The following MCOLN2 variants were observed in gnomAD, a reference collection of about 807,000 sequenced individuals.
MCOLN2 encodes the protein mucolipin TRP cation channel 2.
A neutral mutation model predicts 67.5 loss-of-function variants in MCOLN2; 57 were observed. The ratio of observed to expected loss-of-function variants is 0.84; its 90% CI spans 0.68 to 1.05. The LOEUF is 1.05. MCOLN2 is among the 50% of genes least tolerant of loss of function. The pLI, the probability that MCOLN2 is intolerant of heterozygous loss-of-function variation, is 0.00. For missense variants in MCOLN2, 620 were observed against 678.8 expected (o/e 0.91, Z 0.96); for synonymous variants, 246 against 233.3 (o/e 1.05, Z -0.50).
chr1:84,970,866 A>G (rs115203809), intron 1 of MCOLN2, among the ~76,000 whole-genome samples: 80 of 152,336 alleles, frequency 5.3e-4, no homozygotes, highest in African/African-American at 1.9e-3. Flanking sequence ...AATTGCTTCA[A>G]GAGGCTTCAA....
chr1:84,957,260 T>C (rs553732120), intron 3 of MCOLN2, among the ~76,000 whole-genome samples: 75 of 152,318 alleles, frequency 4.9e-4, no homozygotes, highest in African/African-American at 1.3e-3. Flanking sequence ...ACTGAGGACA[T>C]GAGCCATCCA....
chr1:84,937,491 C>T (rs1013667230), intron 11 of MCOLN2: 7 of 636,442 alleles, frequency 1.1e-5, no homozygotes, highest in African/African-American at 9.5e-5. Context: ...TGATGATCAC[C>T]GGGTAACCAT....
chr1:84,987,501 TAG>T (rs1650618776), intron 1 of MCOLN2, among the ~76,000 whole-genome samples: 1 of 4,376 alleles, frequency 2.3e-4, no homozygotes, highest in African/African-American at 5.5e-4. Flanking sequence ...TATGTATACA[TAG>T]ATGTATACAT....
intron 13 of MCOLN2, among the ~76,000 whole-genome samples, chr1:84,928,603 T>C (rs59031274): frequency 0.019 from 2,891 of 152,312 alleles, 91 homozygotes; most frequent in African/African-American, 0.066. Flanking sequence ...ACAAGGTACC[T>C]CTTAGGAGGC....
At chr1:84,980,352 T>C (rs1460059881) in intron 1 of MCOLN2, among the ~76,000 whole-genome samples, 1 of 151,918 alleles carries the variant, frequency 6.6e-6, no homozygotes, top group Non-Finnish European at 1.5e-5. Flanking sequence ...CCCAGAATAG[T>C]CAAAGCTATC....
intron 3 of MCOLN2, 108 bp from the exon 4 acceptor site, chr1:84,956,692 G>A: frequency 2.2e-6 from 2 of 927,892 alleles, no homozygotes; most frequent in Non-Finnish European, 3.1e-6. Context: ...TTTACATCAT[G>A]GCTCTCAATA....
At chr1:84,996,645 G>C in intron 1 of MCOLN2, 151 bp downstream of exon 1, 2 of 647,566 alleles carry the variant, frequency 3.1e-6, no homozygotes, top group South Asian at 4.0e-5. Context: ...GTTCTGGAAG[G>C]CACAGCCTAG....
At chr1:84,940,565 T>A (rs1232578624) in intron 8 of MCOLN2, among the ~76,000 whole-genome samples, 1 of 152,248 alleles carries the variant, frequency 6.6e-6, no homozygotes, top group East Asian at 1.9e-4. Context: ...GTTCTTCAGA[T>A]CACTCCTGAA....
rs752380084 is a variant in MCOLN2 at position 84,931,387 on chromosome 1, A to C, written c.1517T>G (p.Ile506Ser). 1.5e-5 allele frequency: 24 copies of C among 1,585,886 alleles called. No homozygotes were observed. Among genetic ancestry groups the C allele is most frequent in the Non-Finnish European group, 1.8e-5 (21 of 1,154,886 alleles). The change falls in exon 12 of 14, where the codon ATT becomes AGT. Residue 506 changes from isoleucine to serine, a missense_variant. Transcript: ENST00000370608. The stretch of plus-strand genomic sequence containing the variant: ...CTTAATGGTGTCATAAGAATCTGTA[A>C]TAAGTGCAATAAAAAGACTGAGAAT... ...YMILSLFIAL[I>S]TDSYDTIKKF...
intron 1 of MCOLN2, among the ~76,000 whole-genome samples, chr1:84,983,220 C>T (rs759476282): frequency 1.3e-5 from 2 of 152,040 alleles, no homozygotes; most frequent in Non-Finnish European, 2.9e-5. Flanking sequence ...TCCCCACCAC[C>T]TTTATTTCCC....
chr1:84,955,048 G>A (rs1407610886), intron 4 of MCOLN2, among the ~76,000 whole-genome samples: 1 of 152,066 alleles, frequency 6.6e-6, no homozygotes, highest in African/African-American at 2.4e-5. Flanking sequence ...AAATCATGGG[G>A]GCAGTTACCC....
In MCOLN2 at chr1:84,952,498, T is replaced by C. The variant is rs758210274; in HGVS notation, c.598A>G (p.Lys200Glu). 1 of 1,613,054 alleles carries C rather than the reference T, an allele frequency of 6.2e-7. No individual in the cohort carries two copies. Among genetic ancestry groups the C allele is most frequent in the East Asian group, 2.2e-5 (1 of 44,888 alleles). Residue 200 changes from lysine to glutamate, a missense_variant, in exon 5 of 14, where the codon AAG becomes GAG. Coordinates refer to ENST00000370608, the MANE Select transcript of MCOLN2 (RefSeq NM_153259.4). The part of the protein sequence containing the change: ...CVQLDLQDLS[K>E]KPPDWKNSSF... The stretch of plus-strand genomic sequence containing the variant: ...GAGTTCTTCCAGTCCGGAGGCTTCT[T>C]GGAGAGGTCCTGAAGGTCTAATTGA...
intron 2 of MCOLN2, among the ~76,000 whole-genome samples, chr1:84,962,829 G>A (rs1325476855): frequency 6.6e-6 from 1 of 152,226 alleles, no homozygotes. Context: ...CCTGGCTAGA[G>A]AGGTGAAATT....
At chr1:84,956,774 C>T (rs926307401) in intron 3 of MCOLN2, among the ~76,000 whole-genome samples, 190 bp from the exon 4 acceptor site, 1 of 152,282 alleles carries the variant, frequency 6.6e-6, no homozygotes, top group South Asian at 2.1e-4. Flanking sequence ...TCACAGAACT[C>T]GAAACAAAAC....
At position 84,952,427 on chromosome 1, in the gene MCOLN2, C is replaced by T. The variant is rs748855846; in HGVS notation, c.650+19G>A. 2.1e-5 allele frequency: 33 copies of T among 1,593,428 alleles called. No individual in the cohort carries two copies. Among genetic ancestry groups the T allele is most frequent in the Non-Finnish European group, 2.6e-5 (30 of 1,161,342 alleles). On this transcript the variant is annotated intron_variant, in intron 5 of 13. Transcript: ENST00000370608. ...CCCACCCTCATCTCTTAGGGAATAA[C>T]ACTTTAAAATGTATTTACCGATAAA...
At position 84,929,064 on chromosome 1, in the gene MCOLN2, C is replaced by T. The variant is rs140348716; in HGVS notation, c.1664+494G>A. Among the ~76,000 whole-genome samples the T allele has an allele frequency of 5.2e-3, 785 of 152,272 alleles. 10 individuals are homozygous for T. The highest frequency in any genetic ancestry group is 0.018 in the African/African-American group (730 of 41,544). On this transcript the variant is annotated intron_variant, in intron 13 of 13. Transcript: ENST00000370608. ...TAGACCATTTCTCTACATGTCCTGA[C>T]GAACAACAGGCAAAGCACAGCTAGG...
intron 4 of MCOLN2, among the ~76,000 whole-genome samples, chr1:84,955,506 C>A (rs1243636560): frequency 6.6e-6 from 1 of 152,152 alleles, no homozygotes; most frequent in Non-Finnish European, 1.5e-5. Context: ...GATGTTACAA[C>A]AGAGAAATGA....
chr1:84,982,558 A>G (rs1014646964), intron 1 of MCOLN2, among the ~76,000 whole-genome samples: 1 of 152,248 alleles, frequency 6.6e-6, no homozygotes, highest in Non-Finnish European at 1.5e-5. Flanking sequence ...TAGAGAGGGT[A>G]AATGTTCTTT....
At chr1:84,979,303 A>G (rs1650139407) in intron 1 of MCOLN2, among the ~76,000 whole-genome samples, 1 of 152,226 alleles carries the variant, frequency 6.6e-6, no homozygotes, top group African/African-American at 2.4e-5. Flanking sequence ...ATAGAAGAGG[A>G]AACAATGCTT....
Sources: allele counts gnomAD v4.1 joint callset (sites outside exome capture counted in the v4.1 genomes callset), GRCh38; gene constraint gnomAD v4.1.1; transcripts MANE v1.5; gene names NCBI Gene and HGNC (gene_info 2026-07-23, HGNC 2026-07-21).